Variants in DMD observed in about 807,000 individuals in gnomAD.
The protein encoded by DMD is mutant dystrophin.
DMD carries 63 observed loss-of-function variants against 330.1 expected under a neutral mutation model. That is an observed-to-expected ratio of 0.19 (90% CI 0.16 to 0.24). The LOEUF is 0.24. Among genes scored for constraint, DMD ranks in the 10% least tolerant of loss-of-function variants. DMD has a pLI of 1.00. For missense variants in DMD, 3,344 were observed against 2,684.1 expected (o/e 1.25, Z -5.43); for synonymous variants, 1,223 against 959.8 (o/e 1.27, Z -5.07).
chrX:31,546,761 T>A (rs766010603), intron 55 of DMD, among the ~76,000 whole-genome samples: 1 of 112,178 alleles, frequency 8.9e-6, no homozygotes, highest in Non-Finnish European at 1.9e-5. Flanking sequence ...ATGCTTTACC[T>A]CTAAACAGAA....
intron 1 of DMD, among the ~76,000 whole-genome samples, chrX:33,188,417 T>TG (rs1428474275): frequency 9.0e-6 from 1 of 110,909 alleles, no homozygotes; most frequent in African/African-American, 3.3e-5. Context: ...TGGTACTTTG[T>TG]GGTTACCAGT....
intron 78 of DMD, among the ~76,000 whole-genome samples, chrX:31,122,706 T>C (rs188310925): frequency 9.9e-4 from 111 of 111,920 alleles, no homozygotes; most frequent in Middle Eastern, 4.6e-3. Context: ...CATTTGGGTA[T>C]TTTGTGAATC....
chrX:32,991,632 A>G (rs919013174), intron 2 of DMD, among the ~76,000 whole-genome samples: 22 of 110,923 alleles, frequency 2.0e-4, no homozygotes, highest in African/African-American at 6.7e-4. Flanking sequence ...TTACTAATAC[A>G]TGTATACTTT....
chrX:32,654,629 C>A (rs2060423586), intron 9 of DMD, among the ~76,000 whole-genome samples: 1 of 111,372 alleles, frequency 9.0e-6, no homozygotes, highest in Non-Finnish European at 1.9e-5. Context: ...TGTTTTGTCT[C>A]TGCCAGGCTT....
intron 57 of DMD, among the ~76,000 whole-genome samples, chrX:31,483,863 G>C (rs1346108646): frequency 8.9e-6 from 1 of 111,869 alleles, no homozygotes; most frequent in Non-Finnish European, 1.9e-5. Flanking sequence ...TTTTAAACAT[G>C]GTTATATGTA....
chrX:31,252,780 G>A (rs1055596715), intron 63 of DMD, among the ~76,000 whole-genome samples: 5 of 112,017 alleles, frequency 4.5e-5, no homozygotes, highest in African/African-American at 9.7e-5. Context: ...CTGGGAGGCC[G>A]AGGCGGGTGG....
chrX:32,532,961 C>G (rs1370000476), intron 17 of DMD, among the ~76,000 whole-genome samples: 1 of 112,208 alleles, frequency 8.9e-6, no homozygotes, highest in African/African-American at 3.2e-5. Context: ...TAAAATTTTA[C>G]TGGAACTCAG....
chrX:32,622,545 G>A (rs984821864), intron 11 of DMD, among the ~76,000 whole-genome samples: 6 of 111,479 alleles, frequency 5.4e-5, no homozygotes, highest in African/African-American at 2.0e-4. Context: ...ATATTTAATA[G>A]GATTCAGCAA....
At chrX:32,949,474 G>A (rs932707347) in intron 2 of DMD, among the ~76,000 whole-genome samples, 3 of 110,084 alleles carry the variant, frequency 2.7e-5, no homozygotes, top group African/African-American at 9.9e-5. Flanking sequence ...AAAGTGAGGA[G>A]AATTATTAAG....
At chrX:32,345,618 C>A (rs1428609141) in intron 39 of DMD, among the ~76,000 whole-genome samples, 2 of 110,046 alleles carry the variant, frequency 1.8e-5, no homozygotes, top group Admixed American at 9.7e-5. Context: ...GTTATTCTGG[C>A]AGTTAGGCAG....
At chrX:33,263,389 A>G (rs1231917731) in intron 1 of DMD, among the ~76,000 whole-genome samples, 1 of 108,860 alleles carries the variant, frequency 9.2e-6, no homozygotes, top group Non-Finnish European at 1.9e-5. Flanking sequence ...AACATGCATC[A>G]TTTTAGATTC....
At position 32,485,079 on chromosome X, in the gene DMD, T is replaced by C; in HGVS notation, c.2643A>G (p.Ser881=). The change falls in exon 21 of 79, where the codon TCA becomes TCG. Residue 881 remains serine, a synonymous_variant. Transcript: ENST00000357033. The stretch of plus-strand genomic sequence containing the variant: ...ATCGTTCAATTTGAGGTTGAAGATC[T>C]GATAGCCGGTTGACTTCATCCTGTG... ...KICKDEVNRL[S]DLQPQIERLK... 1.7e-6 allele frequency: 2 copies of C among 1,210,443 alleles called. No homozygotes were observed. The highest frequency in any genetic ancestry group is 2.2e-6 in the Non-Finnish European group (2 of 894,183).
intron 44 of DMD, among the ~76,000 whole-genome samples, chrX:32,098,197 C>G (rs1198979507): frequency 9.0e-6 from 1 of 110,843 alleles, no homozygotes; most frequent in Non-Finnish European, 1.9e-5. Flanking sequence ...GATGTATATA[C>G]ATGTAAATGC....
intron 20 of DMD, among the ~76,000 whole-genome samples, chrX:32,490,383 A>G (rs931901398): frequency 5.5e-4 from 61 of 111,352 alleles, no homozygotes; most frequent in East Asian, 2.8e-4. Flanking sequence ...TTGAAGGCAT[A>G]ATCCTTTCAT....
intron 44 of DMD, among the ~76,000 whole-genome samples, chrX:32,167,200 G>C (rs2096871442): frequency 8.9e-6 from 1 of 112,276 alleles, no homozygotes; most frequent in Admixed American, 9.5e-5. Flanking sequence ...CAAAATAATA[G>C]TTCACTTATA....
At position 32,809,933 on chromosome X, in the gene DMD, AAAAAAAAAAAAAAG is replaced by A. The variant is rs1311918730; in HGVS notation, c.531-336_531-323del. 1.6e-3 allele frequency among the ~76,000 whole-genome samples: 154 copies of A among 95,325 alleles called. 1 individual carries two copies. Among genetic ancestry groups the A allele is most frequent in the African/African-American group, 5.4e-3 (141 of 26,255 alleles). The allele number at this position is 95,325 out of a possible 115,157, so 82.8% of individuals were successfully genotyped here. A position where few individuals can be genotyped will look rare whatever the true frequency, so the allele number is the denominator to read the frequency against. ...CTTGTTTCTACCAAAAAAAAAAAAA[AAAAAAAAAAAAAAG>A]AAAGAAAGAAAGAAAGAAAGAAAAA... On this transcript the variant is annotated intron_variant, in intron 6 of 78. Transcript: ENST00000357033.
chrX:31,666,829 C>G (rs999858371), intron 53 of DMD, among the ~76,000 whole-genome samples: 3 of 111,808 alleles, frequency 2.7e-5, no homozygotes, highest in African/African-American at 9.7e-5. Context: ...CAGTTATGTT[C>G]CACAGACATG....
At chrX:32,627,448 A>C in intron 11 of DMD, among the ~76,000 whole-genome samples, 1 of 98,676 alleles carries the variant, frequency 1.0e-5, no homozygotes, top group East Asian at 2.8e-4. Context: ...TTTTAAATAT[A>C]ATTTTTAAAT....
chrX:31,143,163 A>G (rs1188899965), intron 76 of DMD, among the ~76,000 whole-genome samples: 2 of 111,127 alleles, frequency 1.8e-5, no homozygotes, highest in African/African-American at 6.6e-5. Flanking sequence ...GCAGTTCGAT[A>G]TGGTTTGGTT....
Sources: allele counts gnomAD v4.1 joint callset (sites outside exome capture counted in the v4.1 genomes callset), GRCh38; gene constraint gnomAD v4.1.1; transcripts MANE v1.5; gene names NCBI Gene and HGNC (gene_info 2026-07-23, HGNC 2026-07-21).